TIAM1: variants seen among roughly 807,000 people sequenced by gnomAD.
TIAM1 encodes TIAM Rac1 associated GEF 1.
TIAM1 carries 65 observed loss-of-function variants against 163.5 expected under a neutral mutation model. That is an observed-to-expected ratio of 0.40 (90% confidence interval 0.33 to 0.49). TIAM1 has a LOEUF of 0.49. TIAM1 is among the 20% of genes least tolerant of loss of function. The pLI is 0.77. For missense variants in TIAM1, 1,789 were observed against 2,044.7 expected, an observed-to-expected ratio of 0.87 and a Z score of 2.41; for synonymous variants, 833 against 810.1, an observed-to-expected ratio of 1.03 and a Z score of -0.48.
chr21:31,416,779 C>T (rs1480602768), intron 2 of TIAM1, among the ~76,000 whole-genome samples: 1 of 152,068 alleles, frequency 6.6e-6, no homozygotes, highest in African/African-American at 2.4e-5. Context: ...GCGCTCTCAA[C>T]CACTTTGCTT....
rs1275355350 is a variant in TIAM1, at chr21:31,120,532, T to C, written c.4612A>G (p.Arg1538Gly). Reference protein sequence around the residue: ...LQATSISQRERGRKTLDSHAS... With the variant: ...LQATSISQREGGRKTLDSHAS... ...TGACTATCCAGGGTTTTCCGGCCTC[T>C]TTCCCGCTGACTGATGGAGGTGGCC... Residue 1538 changes from arginine (R) to glycine (G), a missense_variant, in exon 28 of 28, where the codon AGA (arginine) becomes GGA (glycine). Physicochemically the swap from Arg to Gly is moderately radical, Grantham distance 125. This residue lies in a region of TIAM1 where 415 missense variants were observed against 439.2 expected (regional missense o/e 0.94). Transcript: ENST00000541036. This position sits in a 1 kb window ranked among gnomAD's most constrained non-coding sequence, Gnocchi z 4.2. 9.9e-6 allele frequency: 16 copies of C among 1,614,116 alleles called. No homozygotes were observed. The highest frequency in any genetic ancestry group is 2.2e-5 in the South Asian group (2 of 91,084).
chr21:31,279,124 T>A (rs1393695925), intron 2 of TIAM1, among the ~76,000 whole-genome samples: 1 of 151,522 alleles, frequency 6.6e-6, no homozygotes, highest in African/African-American at 2.4e-5. Context: ...AACAAAAAAA[T>A]ATATAAATAA....
chr21:31,315,634 C>T (rs2075091440), intron 2 of TIAM1, among the ~76,000 whole-genome samples: 1 of 146,044 alleles, frequency 6.8e-6, no homozygotes, highest in Non-Finnish European at 1.5e-5. Flanking sequence ...CAACATAGCG[C>T]CCCTGCACTC....
intron 2 of TIAM1, among the ~76,000 whole-genome samples, chr21:31,430,501 G>A (rs67411541): frequency 2.6e-5 from 4 of 151,742 alleles, no homozygotes; most frequent in East Asian, 1.9e-4. Flanking sequence ...TCAAGCTAGC[G>A]TTTATACTTA....
chr21:31,395,193 G>A lies in TIAM1; in HGVS notation c.-368-55771C>T, dbSNP rs191505545. On this transcript the variant is annotated intron_variant, in intron 2 of 28. Transcript: ENST00000286827. The surrounding 1 kb of genome is among the most constrained non-coding windows in gnomAD (Gnocchi z 7.5). ...GCAGAGGTTGCAGTAAGCTGAGATC[G>A]CGCCACCACACTCCAGCCTGGGCAA... Among the ~76,000 whole-genome samples, 65 of 151,868 alleles carry A rather than the reference G, an allele frequency of 4.3e-4. No individual in the cohort carries two copies. Among genetic ancestry groups the A allele is most frequent in the African/African-American group, 1.4e-3 (58 of 41,424 alleles).
chr21:31,354,479 C>T (rs929275337), intron 2 of TIAM1, among the ~76,000 whole-genome samples: 3 of 152,138 alleles, frequency 2.0e-5, no homozygotes, highest in Non-Finnish European at 2.9e-5. Flanking sequence ...CACACCCCCA[C>T]CACACGAAGA....
At chr21:31,541,974 A>G (rs2048335591) in intron 1 of TIAM1, among the ~76,000 whole-genome samples, 1 of 152,210 alleles carries the variant, frequency 6.6e-6, no homozygotes, top group South Asian at 2.1e-4. Flanking sequence ...TCAGATCTCA[A>G]TTAGCAATTT....
intron 19 of TIAM1, among the ~76,000 whole-genome samples, chr21:31,151,491 A>G (rs2083369356): frequency 6.6e-6 from 1 of 152,158 alleles, no homozygotes; most frequent in African/African-American, 2.4e-5. Context: ...GGATTCCACC[A>G]ATATAAAATT....
At chr21:31,212,605 T>G (rs2086937191) in intron 10 of TIAM1, 1 of 133,804 alleles carries the variant, frequency 7.5e-6, no homozygotes, top group African/African-American at 2.9e-5. Context: ...AGCCTGTGAA[T>G]CTTTTTTTTT....
intron 15 of TIAM1, among the ~76,000 whole-genome samples, chr21:31,177,131 C>T (rs2084801770): frequency 6.6e-6 from 1 of 152,190 alleles, no homozygotes; most frequent in East Asian, 1.9e-4. Flanking sequence ...AGGTACAAAA[C>T]ATTTATTGAG....
chr21:31,535,370 G>A (rs2048097747), intron 1 of TIAM1, among the ~76,000 whole-genome samples: 1 of 112,450 alleles, frequency 8.9e-6, no homozygotes, highest in African/African-American at 3.5e-5. Flanking sequence ...GACAGAGGAA[G>A]GCTCCATCTC....
chr21:31,474,546 C>CT (rs33930958), intron 1 of TIAM1, among the ~76,000 whole-genome samples: 7,518 of 141,794 alleles, frequency 0.053, 598 homozygotes, highest in African/African-American at 0.17. Context: ...AACCTTTAGT[C>CT]TTTTTTTTTT....
At chr21:31,269,973 T>C (rs1053427132) in intron 3 of TIAM1, among the ~76,000 whole-genome samples, 2 of 152,208 alleles carry the variant, frequency 1.3e-5, no homozygotes, top group African/African-American at 4.8e-5. Context: ...GCCCGGCCGA[T>C]GAATTTTAAG....
In TIAM1 at chr21:31,395,175, T is replaced by G. The variant is rs1602175461; in HGVS notation, c.-368-55753A>C. Among the ~76,000 whole-genome samples the G allele has an allele frequency of 6.6e-6, 1 of 151,434 alleles. No individual in the cohort carries two copies. The highest frequency in any genetic ancestry group is 2.1e-4 in the South Asian group (1 of 4,776). On this transcript the variant is annotated intron_variant, in intron 2 of 28. Transcript: ENST00000286827. The surrounding 1 kb of genome is among the most constrained non-coding windows in gnomAD (Gnocchi z 7.5). ...ATTGCTTGAGCCTGGGAGGCAGAGG[T>G]TGCAGTAAGCTGAGATCGCGCCACC...
At chr21:31,264,009 C>A (rs1343587228) in intron 4 of TIAM1, among the ~76,000 whole-genome samples, 2 of 152,154 alleles carry the variant, frequency 1.3e-5, no homozygotes, top group African/African-American at 4.8e-5. Flanking sequence ...ATTACAATCT[C>A]AATTCAGAAG....
intron 24 of TIAM1, 119 bp downstream of exon 24, chr21:31,130,771 A>G: frequency 1.1e-6 from 1 of 941,696 alleles, no homozygotes; most frequent in Non-Finnish European, 1.6e-6. Flanking sequence ...AGCAATGCTT[A>G]AGAAAGAAAA....
intron 2 of TIAM1, among the ~76,000 whole-genome samples, chr21:31,285,950 T>C (rs1327811187): frequency 6.6e-6 from 1 of 152,090 alleles, no homozygotes; most frequent in East Asian, 1.9e-4. Flanking sequence ...GGCTATGACA[T>C]TGTAAGTGGA....
chr21:31,549,962 A>G (rs1255895153), intron 1 of TIAM1, among the ~76,000 whole-genome samples: 2 of 152,094 alleles, frequency 1.3e-5, no homozygotes, highest in Non-Finnish European at 2.9e-5. Flanking sequence ...TGTCTCTACT[A>G]AAAACACAAA....
intron 15 of TIAM1, among the ~76,000 whole-genome samples, chr21:31,177,535 A>G (rs2084817238): frequency 6.6e-6 from 1 of 152,158 alleles, no homozygotes; most frequent in Non-Finnish European, 1.5e-5. Flanking sequence ...TGAACCTGGG[A>G]GGCAGAGGTT....
Sources: allele counts gnomAD v4.1 joint callset (sites outside exome capture counted in the v4.1 genomes callset), GRCh38; gene constraint gnomAD v4.1.1; regional missense constraint gnomAD v4.1.1; non-coding constraint Gnocchi (gnomAD v3.1); transcripts MANE v1.5; gene names NCBI Gene and HGNC (gene_info 2026-07-23, HGNC 2026-07-21).